Variants in KIFC3 observed in about 807,000 individuals in gnomAD.
KIFC3 encodes the protein kinesin family member C3.
A neutral mutation model predicts 101.8 loss-of-function variants in KIFC3; 60 were observed. The observed-to-expected ratio is 0.59, with a 90% CI of 0.48 to 0.73. The LOEUF (loss-of-function observed/expected upper bound fraction) is 0.73. Among genes scored for constraint, KIFC3 ranks in the 30% least tolerant of loss-of-function variants. The pLI, the probability that KIFC3 is intolerant of heterozygous loss-of-function variation, is 0.00. For missense variants in KIFC3, 966 were observed against 1,137.1 expected (o/e 0.85, Z 2.16); for synonymous variants, 476 against 482.7 (o/e 0.99, Z 0.18).
intron 3 of KIFC3, chr16:57,775,675 A>T: frequency 7.1e-6 from 7 of 985,534 alleles, no homozygotes; most frequent in Non-Finnish European, 8.4e-6. Context: ...TAAGCCCAAC[A>T]GGGGAGGGTC....
intron 9 of KIFC3, 132 bp from the exon 10 acceptor site, chr16:57,767,117 A>G (rs2050586089): frequency 1.5e-6 from 1 of 677,850 alleles, no homozygotes; most frequent in Non-Finnish European, 2.6e-6. Context: ...CACATGTCAG[A>G]CTGTCCCAAT....
At chr16:57,766,430 C>G (rs565915545) in intron 10 of KIFC3, among the ~76,000 whole-genome samples, 2 of 152,202 alleles carry the variant, frequency 1.3e-5, no homozygotes, top group Admixed American at 1.3e-4. Context: ...AAGTGTGCAC[C>G]GGGAGGCAGT....
At chr16:57,854,971 G>A (rs138140268) in intron 1 of KIFC3, among the ~76,000 whole-genome samples, 1 of 152,260 alleles carries the variant, frequency 6.6e-6, no homozygotes, top group Admixed American at 6.5e-5. Flanking sequence ...CGTAATCCCA[G>A]CACTTTGGGA....
intron 1 of KIFC3, among the ~76,000 whole-genome samples, chr16:57,842,761 A>T (rs1176895354): frequency 6.6e-6 from 1 of 152,188 alleles, no homozygotes; most frequent in African/African-American, 2.4e-5. Flanking sequence ...TTTGTGGCTG[A>T]GATCACACAG....
chr16:57,809,913 G>T (rs2055026727), intron 1 of KIFC3, among the ~76,000 whole-genome samples: 1 of 152,190 alleles, frequency 6.6e-6, no homozygotes, highest in Non-Finnish European at 1.5e-5. Context: ...GGGCGTATCT[G>T]GTTCTTCTGC....
At chr16:57,836,030 G>C (rs2055678265) in intron 1 of KIFC3, among the ~76,000 whole-genome samples, 1 of 152,158 alleles carries the variant, frequency 6.6e-6, no homozygotes, top group Non-Finnish European at 1.5e-5. Flanking sequence ...GAACACACTA[G>C]ATTCCAGAGG....
At chr16:57,824,290 T>C (rs2055415453) in intron 1 of KIFC3, among the ~76,000 whole-genome samples, 1 of 152,172 alleles carries the variant, frequency 6.6e-6, no homozygotes, top group African/African-American at 2.4e-5. Flanking sequence ...GGCAGGCTTG[T>C]AGTGGGTAGG....
chr16:57,805,082 C>T (rs967066105), upstream of KIFC3, among the ~76,000 whole-genome samples: 8 of 152,080 alleles, frequency 5.3e-5, no homozygotes, highest in African/African-American at 1.7e-4. Context: ...CCCCCTGCCT[C>T]GGCCTCCCAA....
chr16:57,826,701 C>T (rs1365468893), intron 1 of KIFC3, among the ~76,000 whole-genome samples: 1 of 152,194 alleles, frequency 6.6e-6, no homozygotes, highest in Non-Finnish European at 1.5e-5. Flanking sequence ...ATCCGACCCT[C>T]ACTTCCCTGT....
At position 57,795,089 on chromosome 16, in the gene KIFC3, A is replaced by G. The variant is rs782682691; in HGVS notation, c.225T>C (p.Ser75=). Residue 75 remains serine, a synonymous_variant, in exon 3 of 20, where the codon AGT becomes AGC. Transcript: ENST00000445690. ...ACTGAGCTAGGGCTGGGCGAGCTGC[A>G]CTTCGGGCACTGGAGTCCTCGTCAC... ...VCGDEDSSAR[S]AARPALAQCR... The G allele has an allele frequency of 1.9e-6, 3 of 1,603,038 alleles. No homozygotes were observed. The highest frequency in any genetic ancestry group is 2.5e-6 in the Non-Finnish European group (3 of 1,178,184).
intron 10 of KIFC3, 93 bp from the exon 11 acceptor site, chr16:57,765,733 T>A (rs2050411269): frequency 7.9e-7 from 1 of 1,263,026 alleles, no homozygotes; most frequent in Non-Finnish European, 1.1e-6. Context: ...CTAGTTGACC[T>A]AGGAGTCCCC....
At chr16:57,832,850 G>C (rs1302422959) in intron 1 of KIFC3, among the ~76,000 whole-genome samples, 2 of 152,094 alleles carry the variant, frequency 1.3e-5, no homozygotes, top group Non-Finnish European at 2.9e-5. Context: ...TTTAGGCAAA[G>C]GTATTTTAAA....
intron 12 of KIFC3, among the ~76,000 whole-genome samples, chr16:57,763,466 AC>A (rs1334346736): frequency 5.9e-5 from 9 of 151,996 alleles, no homozygotes; most frequent in Non-Finnish European, 1.3e-4. Context: ...CCCTGTCCAG[AC>A]GCCACACCAC....
chr16:57,854,638 A>G (rs2056126863), intron 1 of KIFC3, among the ~76,000 whole-genome samples: 1 of 151,486 alleles, frequency 6.6e-6, no homozygotes, highest in Admixed American at 6.6e-5. Context: ...AGAAAAAAAA[A>G]AAAAAAGAAA....
chr16:57,853,953 A>AT (rs1248503762), intron 1 of KIFC3, among the ~76,000 whole-genome samples: 3 of 150,150 alleles, frequency 2.0e-5, no homozygotes, highest in Admixed American at 6.6e-5. Context: ...TTTGATTATT[A>AT]TTTTTTGAGA....
chr16:57,759,151 A>G lies in KIFC3; in HGVS notation c.2479T>C (p.Ter827ArgextTer8). The G allele has an allele frequency of 6.4e-7, 1 of 1,550,928 alleles. No individual in the cohort carries two copies. Among genetic ancestry groups the G allele is most frequent in the East Asian group, 2.4e-5 (1 of 40,920 alleles). ...TAGAGACTCTGCAGCCCCAGCCGTCAGGCTGAAATCAAAGTGACAGGCGTC... is the reference window on the plus strand; with the variant it reads ...TAGAGACTCTGCAGCCCCAGCCGTCGGGCTGAAATCAAAGTGACAGGCGTC... ...SIRRKLQPSA[*>R] Residue 827 changes from the stop codon to arginine (R), a stop_lost and splice_region_variant, in exon 19 of 20, where the codon TGA becomes CGA. Coordinates refer to ENST00000445690, the MANE Select transcript of KIFC3 (RefSeq NM_001130100.2).
intron 1 of KIFC3, among the ~76,000 whole-genome samples, chr16:57,839,925 C>G (rs531256167): frequency 1.3e-5 from 2 of 152,126 alleles, no homozygotes; most frequent in Non-Finnish European, 2.9e-5. Flanking sequence ...TTAACAACTC[C>G]ACTCTCCGCT....
At chr16:57,832,336 T>A (rs938954256) in intron 1 of KIFC3, among the ~76,000 whole-genome samples, 34 of 144,602 alleles carry the variant, frequency 2.4e-4, no homozygotes, top group African/African-American at 8.2e-4. Context: ...TTTTTTTTTT[T>A]TTTTTTTTTT....
chr16:57,762,037 C>A, intron 13 of KIFC3, 103 bp downstream of exon 13: 1 of 1,414,050 alleles, frequency 7.1e-7, no homozygotes, highest in South Asian at 1.4e-5. Context: ...GAGGCCTGCT[C>A]CCCACATACT....
Sources: gnomAD v4.1 joint callset for allele counts (sites outside exome capture counted in the v4.1 genomes callset) on GRCh38, gnomAD v4.1.1 for gene constraint, MANE v1.5 for transcripts, NCBI Gene and HGNC (gene_info 2026-07-23, HGNC 2026-07-21) for gene names.